The following JMJD6 variants were observed in gnomAD, a reference collection of about 807,000 sequenced individuals.
JMJD6 encodes jumonji domain containing 6, arginine demethylase and lysine hydroxylase, also known as bifunctional arginine demethylase and lysyl-hydroxylase JMJD6.
JMJD6 carries 17 observed loss-of-function variants against 45.8 expected under a neutral mutation model. The observed-to-expected ratio is 0.37, with a 90% CI of 0.25 to 0.56. The LOEUF is 0.56. Among genes scored for constraint, JMJD6 ranks in the 20% least tolerant of loss-of-function variants. JMJD6 has a pLI of 0.79. For synonymous variants in JMJD6, 221 were observed against 196.3 expected (o/e 1.13, Z -1.05); for missense variants, 470 against 517.5 (o/e 0.91, Z 0.89).
chr17:76,712,968 C>T (rs993133244), exon 7 of JMJD6: 1 of 152,228 alleles, frequency 6.6e-6, no homozygotes. Flanking sequence ...AACTAGGAGA[C>T]TGCTCAGTGT....
chr17:76,721,972 C>T (rs1223955380), intron 3 of JMJD6, 39 bp from the exon 4 acceptor site: 6 of 1,609,358 alleles, frequency 3.7e-6, no homozygotes, highest in Non-Finnish European at 5.1e-6. Context: ...AAGGTTTGAT[C>T]CTATACCTAA....
At position 76,718,480 on chromosome 17, in the gene JMJD6, A is replaced by T. The variant is rs966980520; in HGVS notation, c.*249T>A. 20 of 1,315,330 alleles carry T rather than the reference A, an allele frequency of 1.5e-5. No individual in the cohort carries two copies. The South Asian group carries it at 4.2e-4, about 28-fold the overall frequency. 81.5% of individuals were successfully genotyped at this position (1,315,330 alleles called of 1,614,324 possible). A position where few individuals can be genotyped will look rare whatever the true frequency, so the allele number is the denominator to read the frequency against. ...AAATGGATTCAATTTTTATTAAATA[A>T]TGTAAAGGATTTTCTTGGCACTATT... On this transcript the variant is annotated 3_prime_UTR_variant, in exon 6 of 6. Coordinates refer to ENST00000397625, the MANE Select transcript of JMJD6 (RefSeq NM_015167.3).
rs1278034012 is a variant in JMJD6 at position 76,723,980 on chromosome 17, T to C, written c.597A>G (p.Leu199=). The C allele has an allele frequency of 1.2e-6, 2 of 1,614,024 alleles. No homozygotes were observed. The part of the protein sequence containing the change: ...DPLGTSAWNA[L]VQGHKRWCLF... ...GGCACCAGCGCTTGTGGCCCTGAAC[T>C]AAGGCATTCCAGGCACTGGTTCCCA... The change falls in exon 3 of 6, where the codon TTA becomes TTG. Residue 199 remains leucine, a synonymous_variant. Coordinates refer to ENST00000397625, the MANE Select transcript of JMJD6 (RefSeq NM_015167.3).
At chr17:76,721,350 A>G (rs1172042319) in intron 4 of JMJD6, 6 of 442,636 alleles carry the variant, frequency 1.4e-5, no homozygotes, top group Non-Finnish European at 2.8e-5. Context: ...CCCGTGCTGT[A>G]TCTGTTCTGT....
intron 4 of JMJD6, chr17:76,721,219 A>C (rs1182032205): frequency 2.9e-6 from 1 of 343,004 alleles, no homozygotes; most frequent in African/African-American, 2.1e-5. Context: ...TGGCCCTCTC[A>C]GCAGGGAGGC....
rs772878514 is a variant in JMJD6, at chr17:76,718,853, GACTCGC to G, written c.1082_1087del (p.Cys361_Glu362del). 5.4e-5 allele frequency: 87 copies of G among 1,613,844 alleles called. 1 individual carries two copies. Among genetic ancestry groups the G allele is most frequent in the Non-Finnish European group, 7.3e-5 (86 of 1,179,918 alleles). ...CACTGTCCCATCGCCCTCGGATCCAGACTCGCACTGGACACAGGAGGACAGAAAACA... is the reference window on the plus strand; with the variant it reads ...CACTGTCCCATCGCCCTCGGATCCAGACTGGACACAGGAGGACAGAAAACA... On this transcript the variant is annotated inframe_deletion and splice_region_variant, in exon 6 of 6. Transcript: ENST00000397625.
downstream of JMJD6, chr17:76,713,503 G>A (rs1325661345): frequency 6.6e-6 from 1 of 152,146 alleles, no homozygotes; most frequent in Admixed American, 6.5e-5. Context: ...CTAGTGGGAG[G>A]GGAGTGTGGA....
chr17:76,713,724 C>T (rs1042195312), downstream of JMJD6: 1 of 152,214 alleles, frequency 6.6e-6, no homozygotes, highest in African/African-American at 2.4e-5. Context: ...GGCTCAGTCT[C>T]TAGTAAGCTT....
intron 5 of JMJD6, among the ~76,000 whole-genome samples, chr17:76,719,170 A>G (rs1272061224): frequency 6.6e-6 from 1 of 152,232 alleles, no homozygotes; most frequent in Non-Finnish European, 1.5e-5. Flanking sequence ...GTACATTATA[A>G]GATTTCACTC....
downstream of JMJD6, chr17:76,714,443 A>G (rs1281934719): frequency 6.6e-6 from 1 of 152,058 alleles, no homozygotes; most frequent in Non-Finnish European, 1.5e-5. Context: ...AAGAGGAGTT[A>G]ACTTCTGAAC....
At position 76,725,702 on chromosome 17, in the gene JMJD6, G is replaced by GAT; in HGVS notation, c.281_282dup (p.Arg95IlefsTer17). The GAT allele has an allele frequency of 6.2e-7, 1 of 1,614,034 alleles. No individual in the cohort carries two copies. The highest frequency in any genetic ancestry group is 8.5e-7 in the Non-Finnish European group (1 of 1,180,012). ...TCACCACACTTGAACTTCTGGTTCC[G>GAT]ATATTTCCTTTTTAGGCGCTCCAGA... On this transcript the variant is annotated frameshift_variant, in exon 2 of 6. Transcript: ENST00000397625. LOFTEE classifies it high-confidence loss of function.
chr17:76,722,845 C>CAAAAAAA (rs71158058), intron 3 of JMJD6, among the ~76,000 whole-genome samples: 2 of 43,268 alleles, frequency 4.6e-5, no homozygotes, highest in Admixed American at 4.5e-4. Flanking sequence ...GACTTGGTCT[C>CAAAAAAA]AAAAAAAAAA....
chr17:76,720,506 G>C lies in JMJD6; in HGVS notation c.942-8C>G. ...TGCTCTTGCTTCAAAATCCTGAGAGGCAAGAAGTGTTGTTCTCAGTGCACT... is the reference window on the plus strand; with the variant it reads ...TGCTCTTGCTTCAAAATCCTGAGAGCCAAGAAGTGTTGTTCTCAGTGCACT... On this transcript the variant is annotated splice_region_variant and splice_polypyrimidine_tract_variant and intron_variant, in intron 4 of 5. Transcript: ENST00000397625. The C allele has an allele frequency of 6.2e-7, 1 of 1,613,736 alleles. No individual in the cohort carries two copies. The highest frequency in any genetic ancestry group is 1.1e-5 in the South Asian group (1 of 91,078).
downstream of JMJD6, chr17:76,716,690 G>A: frequency 6.2e-7 from 1 of 1,614,112 alleles, no homozygotes; most frequent in Non-Finnish European, 8.5e-7. Flanking sequence ...ATCTGCTCAG[G>A]GGTGAGCCCG....
intron 5 of JMJD6, among the ~76,000 whole-genome samples, chr17:76,719,876 C>A (rs1265438096): frequency 6.6e-6 from 1 of 152,186 alleles, no homozygotes; most frequent in Non-Finnish European, 1.5e-5. Context: ...AATCCCAGCA[C>A]TTTGGGAGGC....
chr17:76,721,888 A>G lies in JMJD6; in HGVS notation c.851T>C (p.Ile284Thr), dbSNP rs1417542107. 3.7e-6 allele frequency: 6 copies of G among 1,614,182 alleles called. No individual in the cohort carries two copies. The highest frequency in any genetic ancestry group is 1.1e-5 in the South Asian group (1 of 91,086). The change falls in exon 4 of 6, where the codon ATC becomes ACC. Residue 284 changes from isoleucine (I) to threonine (T), a missense_variant. Physicochemically the swap from Ile to Thr is moderately conservative, Grantham distance 89. Around this residue, in one of 4 missense-constraint regions of JMJD6, gnomAD observed 58 missense variants for 103.9 expected, o/e 0.56. Coordinates refer to ENST00000397625, the MANE Select transcript of JMJD6 (RefSeq NM_015167.3). ...GGTGCTGCTGGCAAAATTTTGGGTGATGGCGATAGTAGTGTCGAGATTGAG... is the reference window on the plus strand; with the variant it reads ...GGTGCTGCTGGCAAAATTTTGGGTGGTGGCGATAGTAGTGTCGAGATTGAG... The part of the protein sequence containing the change: ...VVLNLDTTIA[I>T]TQNFASSTNF...
rs1481732611 is a variant in JMJD6, at chr17:76,721,875, A to G, written c.864T>C (p.Phe288=). 2 of 1,614,214 alleles carry G rather than the reference A, an allele frequency of 1.2e-6. No homozygotes were observed. The highest frequency in any genetic ancestry group is 1.7e-6 in the Non-Finnish European group (2 of 1,180,042). The change falls in exon 4 of 6, where the codon TTT becomes TTC. Residue 288 remains phenylalanine, a synonymous_variant. Coordinates refer to ENST00000397625, the MANE Select transcript of JMJD6 (RefSeq NM_015167.3). ...CCACAGGGAAGTTGGTGCTGCTGGCAAAATTTTGGGTGATGGCGATAGTAG... is the reference window on the plus strand; with the variant it reads ...CCACAGGGAAGTTGGTGCTGCTGGCGAAATTTTGGGTGATGGCGATAGTAG... ...LDTTIAITQN[F]ASSTNFPVVW... is the part of the protein sequence containing the mutation.
rs774403313 is a variant in JMJD6, at chr17:76,721,877, A to C, written c.862T>G (p.Phe288Val). Residue 288 changes from phenylalanine to valine, a missense_variant, in exon 4 of 6, where the codon TTT (phenylalanine) becomes GTT (valine). By Grantham distance (50) the Phe-to-Val change is conservative. This residue lies in a region of JMJD6 where 58 missense variants were observed against 103.9 expected (regional missense o/e 0.56). Coordinates refer to ENST00000397625, the MANE Select transcript of JMJD6 (RefSeq NM_015167.3). ...LDTTIAITQN[F>V]ASSTNFPVVW... ...ACAGGGAAGTTGGTGCTGCTGGCAA[A>C]ATTTTGGGTGATGGCGATAGTAGTG... is the stretch of plus-strand genomic sequence containing the variant. 1.2e-6 allele frequency: 2 copies of C among 1,613,986 alleles called. No homozygotes were observed. Among genetic ancestry groups the C allele is most frequent in the African/African-American group, 1.3e-5 (1 of 74,880 alleles).
intron 4 of JMJD6, chr17:76,721,135 A>C (rs1347756027): frequency 4.6e-6 from 1 of 217,808 alleles, no homozygotes; most frequent in South Asian, 5.4e-5. Flanking sequence ...CACAGCACGC[A>C]GTGGCCTACG....
Sources: gnomAD v4.1 joint callset for allele counts (sites outside exome capture counted in the v4.1 genomes callset) on GRCh38, gnomAD v4.1.1 for gene constraint, gnomAD v4.1.1 regional missense constraint, MANE v1.5 for transcripts, NCBI Gene and HGNC (gene_info 2026-07-23, HGNC 2026-07-21) for gene names.